The following NAV2 variants were observed in gnomAD, a reference collection of about 807,000 sequenced individuals.
NAV2 encodes helicase, APC down-regulated 1.
In NAV2, 54 loss-of-function variants were observed where a neutral mutation model predicts 223.2. That is an observed-to-expected ratio of 0.24 (90% CI 0.19 to 0.30). The LOEUF (loss-of-function observed/expected upper bound fraction) is 0.30. Among genes scored for constraint, NAV2 ranks in the 10% least tolerant of loss-of-function variants. NAV2 has a pLI of 1.00. For synonymous variants in NAV2, 1,279 were observed against 1,239.3 expected (o/e 1.03, Z -0.67); for missense variants, 2,806 against 3,147.5 (o/e 0.89, Z 2.60).
intron 1 of NAV2, among the ~76,000 whole-genome samples, chr11:19,665,103 G>A (rs999719990): frequency 2.0e-5 from 3 of 152,198 alleles, no homozygotes; most frequent in African/African-American, 7.2e-5. Context: ...TCCCAGGTTT[G>A]AGAGGCTGAG....
At chr11:19,649,101 T>G (rs1012755497) in intron 1 of NAV2, among the ~76,000 whole-genome samples, 1 of 152,222 alleles carries the variant, frequency 6.6e-6, no homozygotes, top group Non-Finnish European at 1.5e-5. Flanking sequence ...TTTGGGGCAT[T>G]TAGGCTAATC....
At chr11:19,886,290 G>T (rs1194678360) in intron 5 of NAV2, among the ~76,000 whole-genome samples, 2 of 152,158 alleles carry the variant, frequency 1.3e-5, no homozygotes, top group Non-Finnish European at 2.9e-5. Context: ...CTAGAGTTTG[G>T]TTTTCTGAAG....
At chr11:20,023,109 G>C (rs562630116) in intron 11 of NAV2, 6 of 1,551,784 alleles carry the variant, frequency 3.9e-6, no homozygotes, top group Non-Finnish European at 5.2e-6. Flanking sequence ...GTAGTGAAAT[G>C]CTCTGGCCTA....
chr11:19,686,423 T>C lies in NAV2; in HGVS notation c.76-146061T>C, dbSNP rs984756987. Among the ~76,000 whole-genome samples, 12 of 152,190 alleles carry C rather than the reference T, an allele frequency of 7.9e-5. No individual in the cohort carries two copies. In the East Asian group the frequency reaches 2.3e-3, roughly 29 times the overall value. On this transcript the variant is annotated intron_variant, in intron 1 of 37. Coordinates refer to the NAV2 transcript ENST00000360655. ...CTGTGTTTACTAAACAAGAGTCTCA[T>C]GTTTCCCTCAATCCGCCCATTGTGT...
chr11:19,616,922 T>A (rs1423929954), intron 1 of NAV2, among the ~76,000 whole-genome samples: 3 of 152,068 alleles, frequency 2.0e-5, no homozygotes, highest in Non-Finnish European at 4.4e-5. Flanking sequence ...CATGTACTCA[T>A]CATTTAATAC....
intron 1 of NAV2, among the ~76,000 whole-genome samples, chr11:19,440,239 C>G (rs987909223): frequency 2.0e-5 from 3 of 152,128 alleles, no homozygotes; most frequent in Non-Finnish European, 4.4e-5. Flanking sequence ...ATAGTGGGTG[C>G]TATGGGAAGC....
intron 10 of NAV2, among the ~76,000 whole-genome samples, chr11:19,964,809 CTTTTTTTTTT>C (rs71050695): frequency 3.8e-4 from 22 of 57,550 alleles, no homozygotes; most frequent in East Asian, 8.6e-4. Context: ...CCTCATTCTA[CTTTTTTTTTT>C]TTTTTTTTTT....
Position 20,107,893 on chromosome 11 carries a change from C to T in NAV2, c.6960+111C>T, listed in dbSNP as rs1392650548. 5 of 763,422 alleles carry T rather than the reference C, an allele frequency of 6.5e-6. No individual in the cohort carries two copies. The East Asian group carries it at 7.3e-5, about 11-fold the overall frequency. The allele number at this position is 763,422 out of a possible 1,614,324, so 47.3% of individuals were successfully genotyped here. On this transcript the variant is annotated intron_variant, in intron 36 of 37. Coordinates refer to ENST00000349880, the MANE Select transcript of NAV2 (RefSeq NM_145117.5). ...GAATCTGACTGACATGGGGTGACAA[C>T]CCCTCACCTGGGAGTTCATCAGTGT... is the stretch of plus-strand genomic sequence containing the variant.
chr11:20,082,632 A>G, intron 25 of NAV2: 1 of 1,606,054 alleles, frequency 6.2e-7, no homozygotes, highest in Non-Finnish European at 8.5e-7. Context: ...ATCAGATACC[A>G]AGCTAACCCA....
intron 3 of NAV2, among the ~76,000 whole-genome samples, chr11:19,863,900 A>C (rs1430245320): frequency 2.0e-5 from 3 of 152,220 alleles, no homozygotes; most frequent in African/African-American, 7.2e-5. Flanking sequence ...AATAGGGGTG[A>C]AGGAATAGAT....
At chr11:19,861,568 A>C (rs988296696) in intron 3 of NAV2, among the ~76,000 whole-genome samples, 2 of 152,228 alleles carry the variant, frequency 1.3e-5, no homozygotes, top group Non-Finnish European at 2.9e-5. Flanking sequence ...TATAATGACC[A>C]TTTTATAGAT....
At chr11:19,832,385 A>G in intron 1 of NAV2, 99 bp from the exon 2 acceptor site, 3 of 833,928 alleles carry the variant, frequency 3.6e-6, no homozygotes, top group Non-Finnish European at 4.1e-6. Context: ...AAAGCTCACC[A>G]ATGGGACAGT....
chr11:19,433,680 C>A (rs953274466), intron 1 of NAV2, among the ~76,000 whole-genome samples: 2 of 152,216 alleles, frequency 1.3e-5, no homozygotes, highest in Admixed American at 1.3e-4. Context: ...ATGTTAGCTC[C>A]ATGGGGAGTC....
In NAV2 at chr11:20,118,280, C is replaced by T; in HGVS notation, c.*22C>T. 1.9e-6 allele frequency: 3 copies of T among 1,612,736 alleles called. No individual in the cohort carries two copies. Among genetic ancestry groups the T allele is most frequent in the South Asian group, 1.1e-5 (1 of 91,012 alleles). ...GTGACAGGGGCCCGGAGCCCAGCGC[C>T]CTCCTCTTCTCCTCACCGCATTCCA... is the stretch of plus-strand genomic sequence containing the variant. On this transcript the variant is annotated 3_prime_UTR_variant, in exon 38 of 38. Transcript: ENST00000349880.
At chr11:20,070,640 G>T (rs765710111) in intron 22 of NAV2, among the ~76,000 whole-genome samples, 87 of 152,118 alleles carry the variant, frequency 5.7e-4, no homozygotes, top group Non-Finnish European at 1.2e-3. Context: ...CATCTTTCTC[G>T]CAAACCAAGC....
intron 1 of NAV2, among the ~76,000 whole-genome samples, chr11:19,655,060 C>A (rs992009042): frequency 6.6e-6 from 1 of 152,192 alleles, no homozygotes; most frequent in East Asian, 1.9e-4. Context: ...AAACAAACAA[C>A]CCCATCAACA....
intron 11 of NAV2, among the ~76,000 whole-genome samples, chr11:19,997,063 C>T (rs150919277): frequency 2.6e-5 from 4 of 152,250 alleles, no homozygotes; most frequent in Admixed American, 6.5e-5. Flanking sequence ...TCTCCCTGGC[C>T]GCTTATTTGA....
chr11:19,619,343 C>G (rs1318463483), intron 1 of NAV2, among the ~76,000 whole-genome samples: 1 of 152,068 alleles, frequency 6.6e-6, no homozygotes, highest in Non-Finnish European at 1.5e-5. Flanking sequence ...ACACTGACTT[C>G]CACAATGGTT....
At chr11:19,620,683 A>G (rs1374699637) in intron 1 of NAV2, among the ~76,000 whole-genome samples, 9 of 152,212 alleles carry the variant, frequency 5.9e-5, no homozygotes, top group Non-Finnish European at 1.3e-4. Flanking sequence ...GATTTTCTAA[A>G]TATACAATCA....
Sources: allele counts gnomAD v4.1 joint callset (sites outside exome capture counted in the v4.1 genomes callset), GRCh38; gene constraint gnomAD v4.1.1; transcripts MANE v1.5; gene names NCBI Gene and HGNC (gene_info 2026-07-23, HGNC 2026-07-21).